CACNA1B: variants seen among roughly 807,000 people sequenced by gnomAD.
The protein encoded by CACNA1B is voltage-dependent N-type calcium channel subunit alpha-1B.
In CACNA1B, 70 loss-of-function variants were observed where a neutral mutation model predicts 247.2. That is an observed-to-expected ratio of 0.28 (90% CI 0.23 to 0.35). The LOEUF (loss-of-function observed/expected upper bound fraction) is 0.35. Ranked by LOEUF, CACNA1B falls within the 10% of genes least tolerant of loss-of-function variation. The probability of loss-of-function intolerance (pLI) is 1.00; values close to 1 mark genes in which losing one functional copy is unlikely to be tolerated. For synonymous variants in CACNA1B, 1,231 were observed against 1,294.4 expected, an observed-to-expected ratio of 0.95 and a Z score of 1.05; for missense variants, 2,367 against 3,197.4, an observed-to-expected ratio of 0.74 and a Z score of 6.26.
chr9:137,921,374 G>A (rs568294488), intron 6 of CACNA1B, among the ~76,000 whole-genome samples: 4 of 130,556 alleles, frequency 3.1e-5, no homozygotes, highest in African/African-American at 8.6e-5. Flanking sequence ...CCACGGCCGC[G>A]CAGCATCCTG....
chr9:138,032,222 C>T (rs894246405), intron 20 of CACNA1B, among the ~76,000 whole-genome samples: 1 of 151,994 alleles, frequency 6.6e-6, no homozygotes, highest in African/African-American at 2.4e-5. Flanking sequence ...ATTATATATA[C>T]ATAACTTACT....
rs1415622354 is a variant in CACNA1B, at chr9:137,990,159, G to C, written c.1974+3305G>C. Among the ~76,000 whole-genome samples, 1 of 152,152 alleles carries C rather than the reference G, an allele frequency of 6.6e-6. No individual in the cohort carries two copies. Among genetic ancestry groups the C allele is most frequent in the Non-Finnish European group, 1.5e-5 (1 of 68,032 alleles). ...CAGCCTTTTGGACTGCGGGCTGCGT[G>C]GGAGTGGGGTGAGGCCTGTGACTGC... On this transcript the variant is annotated intron_variant, in intron 15 of 46. Transcript: ENST00000371372. This position sits in a 1 kb window ranked among gnomAD's most constrained non-coding sequence, Gnocchi z 4.5.
chr9:137,983,126 G>A (rs547590355), intron 12 of CACNA1B, among the ~76,000 whole-genome samples: 29 of 152,340 alleles, frequency 1.9e-4, no homozygotes, highest in African/African-American at 6.5e-4. Flanking sequence ...CAGTTGATGC[G>A]AAATTGGTGG....
intron 26 of CACNA1B, among the ~76,000 whole-genome samples, chr9:138,055,009 A>G (rs1478695067): frequency 6.6e-6 from 1 of 152,038 alleles, no homozygotes; most frequent in Non-Finnish European, 1.5e-5. Flanking sequence ...GAATCATGTA[A>G]TGTTCTGGAC....
intron 39 of CACNA1B, among the ~76,000 whole-genome samples, chr9:138,111,449 A>G (rs1236010984): frequency 6.6e-6 from 1 of 152,200 alleles, no homozygotes; most frequent in Non-Finnish European, 1.5e-5. Flanking sequence ...GAGCAAAACT[A>G]TAGGGACCCA....
chr9:138,043,719 A>G (rs1959159337), intron 20 of CACNA1B, 55 bp from the exon 21 acceptor site: 14 of 1,605,818 alleles, frequency 8.7e-6, no homozygotes, highest in Non-Finnish European at 1.1e-5. Flanking sequence ...GGAGCCACGC[A>G]ACGTGGGCTT....
chr9:137,948,724 G>GGT (rs890163788), intron 6 of CACNA1B, among the ~76,000 whole-genome samples: 6 of 149,802 alleles, frequency 4.0e-5, no homozygotes, highest in African/African-American at 1.5e-4. Context: ...TGGTGTATGT[G>GGT]GTGTGTGTAG....
At chr9:138,046,469 G>A (rs1457666033) in intron 21 of CACNA1B, among the ~76,000 whole-genome samples, 1 of 152,212 alleles carries the variant, frequency 6.6e-6, no homozygotes, top group Non-Finnish European at 1.5e-5. Context: ...TCCTCTCTGA[G>A]CAACTCCCTC....
At chr9:138,015,814 C>T (rs78942683) in intron 18 of CACNA1B, among the ~76,000 whole-genome samples, 2,754 of 152,270 alleles carry the variant, frequency 0.018, 41 homozygotes, top group South Asian at 0.044. Flanking sequence ...AGGTGGGCCT[C>T]AGGTGACACT....
At chr9:137,939,276 T>G (rs999012448) in intron 6 of CACNA1B, among the ~76,000 whole-genome samples, 1 of 152,102 alleles carries the variant, frequency 6.6e-6, no homozygotes, top group Non-Finnish European at 1.5e-5. Flanking sequence ...TATTCATCAG[T>G]GTATGGAACT....
chr9:137,935,716 A>C (rs1028502115), intron 6 of CACNA1B, among the ~76,000 whole-genome samples: 1 of 152,122 alleles, frequency 6.6e-6, no homozygotes, highest in Non-Finnish European at 1.5e-5. Context: ...TACACTCCCA[A>C]CAACAGTGTA....
At chr9:138,091,955 C>G (rs998953910) in intron 36 of CACNA1B, among the ~76,000 whole-genome samples, 8 of 152,118 alleles carry the variant, frequency 5.3e-5, no homozygotes, top group African/African-American at 1.9e-4. Context: ...TTCTGTGATG[C>G]CCCTTGAACT....
chr9:138,049,376 G>C, intron 24 of CACNA1B, 61 bp downstream of exon 24: 2 of 1,094,866 alleles, frequency 1.8e-6, no homozygotes, highest in Non-Finnish European at 2.8e-6. Flanking sequence ...TGGGCGTGAG[G>C]GTGAGGGAAT....
chr9:137,931,044 C>T (rs1229918177), intron 6 of CACNA1B, among the ~76,000 whole-genome samples: 1 of 152,074 alleles, frequency 6.6e-6, no homozygotes, highest in Non-Finnish European at 1.5e-5. Context: ...CCTCACCCTT[C>T]CACACTGAAG....
At position 137,898,922 on chromosome 9, in the gene CACNA1B, C is replaced by T. The variant is rs139275683; in HGVS notation, c.531-14258C>T. ...GTCTCGATCTCCTGACCTCATGATC[C>T]GCCTGCCTCAGCCTCCCTAAAAATT... is the stretch of plus-strand genomic sequence containing the variant. On this transcript the variant is annotated intron_variant, in intron 3 of 46. Transcript: ENST00000371372. Among the ~76,000 whole-genome samples, 570 of 151,868 alleles carry T rather than the reference C, an allele frequency of 3.8e-3. 1 individual carries two copies. The highest frequency in any genetic ancestry group is 6.4e-3 in the Non-Finnish European group (433 of 67,914).
intron 3 of CACNA1B, among the ~76,000 whole-genome samples, chr9:137,900,743 C>T (rs1048701557): frequency 5.8e-5 from 8 of 137,898 alleles, no homozygotes; most frequent in African/African-American, 2.2e-4. Context: ...TGTGTCTGTG[C>T]TGTGTGTCTC....
At chr9:137,883,044 C>T (rs1249298039) in intron 3 of CACNA1B, 161 bp downstream of exon 3, 1 of 744,600 alleles carries the variant, frequency 1.3e-6, no homozygotes, top group Non-Finnish European at 2.2e-6. Flanking sequence ...GTTTGCCACC[C>T]TGTGTGCTAT....
rs1490230433 is a variant in CACNA1B at position 138,079,276 on chromosome 9, A to G, written c.5094+1018A>G. Among the ~76,000 whole-genome samples the G allele has an allele frequency of 2.6e-5, 4 of 152,242 alleles. No individual in the cohort carries two copies. The East Asian group carries it at 5.8e-4, about 22-fold the overall frequency. ...GACGTAGGGGAAGAACAGTGTTCAG[A>G]AGAAGGCTGAAGACTCTACCCCAAG... is the stretch of plus-strand genomic sequence containing the variant. On this transcript the variant is annotated intron_variant, in intron 36 of 46. Transcript: ENST00000371372.
At position 138,100,348 on chromosome 9, in the gene CACNA1B, G is replaced by A. The variant is rs149578652; in HGVS notation, c.5223-2363G>A. Among the ~76,000 whole-genome samples, 69 of 152,270 alleles carry A rather than the reference G, an allele frequency of 4.5e-4. No homozygotes were observed. In the East Asian group the frequency reaches 8.3e-3, roughly 18 times the overall value. On this transcript the variant is annotated intron_variant, in intron 37 of 46. Coordinates refer to ENST00000371372, the MANE Select transcript of CACNA1B (RefSeq NM_000718.4). This position sits in a 1 kb window ranked among gnomAD's most constrained non-coding sequence, Gnocchi z 4.6. ...AGACAGTGGGCTCAGTCCTTGCATC[G>A]AGGAGTGATGGTGTCAGGCCCACAC...
Sources: gnomAD v4.1 joint callset for allele counts (sites outside exome capture counted in the v4.1 genomes callset) on GRCh38, gnomAD v4.1.1 for gene constraint, Gnocchi (gnomAD v3.1) non-coding constraint, MANE v1.5 for transcripts, NCBI Gene and HGNC (gene_info 2026-07-23, HGNC 2026-07-21) for gene names.